PRKCA: variants seen among roughly 807,000 people sequenced by gnomAD.
The protein encoded by PRKCA is protein kinase C alpha.
A neutral mutation model predicts 87.0 loss-of-function variants in PRKCA; 27 were observed. The observed-to-expected ratio is 0.31, with a 90% confidence interval of 0.23 to 0.43. PRKCA has a LOEUF of 0.43. Ranked by LOEUF, PRKCA falls within the 20% of genes least tolerant of loss-of-function variation. The pLI, the probability that PRKCA is intolerant of heterozygous loss-of-function variation, is 1.00. For synonymous variants in PRKCA, 329 were observed against 311.1 expected, an observed-to-expected ratio of 1.06 and a Z score of -0.61; for missense variants, 518 against 852.3, an observed-to-expected ratio of 0.61 and a Z score of 4.88.
At chr17:66,368,368 A>G (rs1009838091) in intron 2 of PRKCA, among the ~76,000 whole-genome samples, 5 of 35,334 alleles carry the variant, frequency 1.4e-4, no homozygotes, top group South Asian at 1.8e-3. Context: ...GTATATGTAT[A>G]TATATATATA....
At chr17:66,463,927 T>A (rs1433376121) in intron 2 of PRKCA, among the ~76,000 whole-genome samples, 1 of 152,220 alleles carries the variant, frequency 6.6e-6, no homozygotes, top group African/African-American at 2.4e-5. Context: ...TCTTGGTGTA[T>A]CTTCTGTGAG....
chr17:66,716,005 A>G (rs1441705485), intron 8 of PRKCA, among the ~76,000 whole-genome samples: 1 of 152,222 alleles, frequency 6.6e-6, no homozygotes, highest in East Asian at 1.9e-4. Flanking sequence ...CATAGAGATG[A>G]GATCACCACC....
chr17:66,720,730 C>G (rs1219512853), intron 8 of PRKCA, among the ~76,000 whole-genome samples: 2 of 152,214 alleles, frequency 1.3e-5, no homozygotes, highest in African/African-American at 4.8e-5. Flanking sequence ...AGAGGACTTT[C>G]ATCGTTGTAC....
chr17:66,398,753 T>C (rs1047273949), intron 2 of PRKCA, among the ~76,000 whole-genome samples: 3 of 152,146 alleles, frequency 2.0e-5, no homozygotes, highest in Non-Finnish European at 4.4e-5. Flanking sequence ...GGCGTCGCGC[T>C]ACTCATATGT....
chr17:66,505,099 G>A (rs936711865), intron 3 of PRKCA, among the ~76,000 whole-genome samples: 1 of 152,194 alleles, frequency 6.6e-6, no homozygotes, highest in Non-Finnish European at 1.5e-5. Context: ...AAACTCCAGT[G>A]CTAATTCTGC....
intron 5 of PRKCA, among the ~76,000 whole-genome samples, chr17:66,674,534 CA>C (rs771918373): frequency 1.3e-5 from 2 of 152,114 alleles, no homozygotes; most frequent in Admixed American, 6.5e-5. Flanking sequence ...AGAACCAACC[CA>C]TCAGAACCAA....
chr17:66,384,339 T>C (rs1431600841), intron 2 of PRKCA, among the ~76,000 whole-genome samples: 2 of 152,146 alleles, frequency 1.3e-5, no homozygotes, highest in East Asian at 1.9e-4. Flanking sequence ...GGCAAACCTG[T>C]TTTATGGAGT....
chr17:66,450,775 C>T (rs149728889), intron 2 of PRKCA, among the ~76,000 whole-genome samples: 8 of 94,746 alleles, frequency 8.4e-5, no homozygotes, highest in Middle Eastern at 4.5e-3. Flanking sequence ...GTTTTGGTTA[C>T]GCAATCATGG....
chr17:66,712,295 C>A (rs1353176032), intron 8 of PRKCA, among the ~76,000 whole-genome samples: 2 of 152,208 alleles, frequency 1.3e-5, no homozygotes, highest in Non-Finnish European at 2.9e-5. Flanking sequence ...GGAAGGAACT[C>A]GTACTTGGGT....
intron 2 of PRKCA, among the ~76,000 whole-genome samples, chr17:66,344,608 T>C (rs1214209467): frequency 6.6e-6 from 1 of 152,210 alleles, no homozygotes; most frequent in Non-Finnish European, 1.5e-5. Context: ...TTGGCATCCT[T>C]ATTTTAGAGA....
Position 66,429,520 on chromosome 17 carries a change from A to G in PRKCA, c.206-66681A>G, listed in dbSNP as rs1263867008. 2.0e-5 allele frequency among the ~76,000 whole-genome samples: 3 copies of G among 152,274 alleles called. No individual in the cohort carries two copies. The East Asian group carries it at 5.8e-4, about 29-fold the overall frequency. ...ATCATTTAATAACCAGTTAGTAGTG[A>G]GGGGTTGCATGTACATTGCATGGAA... On this transcript the variant is annotated intron_variant, in intron 2 of 16. Transcript: ENST00000413366.
At chr17:66,558,427 G>A (rs11658496) in intron 3 of PRKCA, among the ~76,000 whole-genome samples, 35,320 of 152,176 alleles carry the variant, frequency 0.23, 4,202 homozygotes, top group South Asian at 0.35. Flanking sequence ...AGACTTGGGG[G>A]ATGTGTGGGA....
At chr17:66,623,534 G>A (rs1428358593) in intron 3 of PRKCA, among the ~76,000 whole-genome samples, 12 of 152,056 alleles carry the variant, frequency 7.9e-5, no homozygotes, top group Admixed American at 7.9e-4. Flanking sequence ...GCCTTGGGAG[G>A]GAATGCAGGA....
chr17:66,612,827 T>G (rs1170793330), intron 3 of PRKCA, among the ~76,000 whole-genome samples: 2 of 152,190 alleles, frequency 1.3e-5, no homozygotes, highest in African/African-American at 4.8e-5. Context: ...AAAACCTTTT[T>G]TCTCTTACAA....
chr17:66,465,356 GA>G (rs1370166023), intron 2 of PRKCA, among the ~76,000 whole-genome samples: 1 of 151,962 alleles, frequency 6.6e-6, no homozygotes, highest in Non-Finnish European at 1.5e-5. Flanking sequence ...GGTATATCTG[GA>G]AGGAATTTGT....
At chr17:66,313,333 A>T (rs982193235) in intron 2 of PRKCA, among the ~76,000 whole-genome samples, 2 of 152,218 alleles carry the variant, frequency 1.3e-5, no homozygotes, top group Non-Finnish European at 2.9e-5. Context: ...AGATCTTAGG[A>T]TCATTAAAGA....
intron 2 of PRKCA, among the ~76,000 whole-genome samples, chr17:66,341,485 C>A (rs1311132136): frequency 3.3e-5 from 5 of 152,180 alleles, no homozygotes; most frequent in Non-Finnish European, 7.4e-5. Context: ...GCCAGTAATT[C>A]TTGCATCGTA....
chr17:66,639,304 A>C (rs896764549), intron 3 of PRKCA: 4 of 152,252 alleles, frequency 2.6e-5, no homozygotes, highest in African/African-American at 9.6e-5. Context: ...TGCCTGATGG[A>C]AAGCTAAGCA....
At chr17:66,768,079 G>C (rs964227749) in intron 13 of PRKCA, among the ~76,000 whole-genome samples, 3 of 152,090 alleles carry the variant, frequency 2.0e-5, no homozygotes, top group Admixed American at 6.6e-5. Context: ...GAGTAGCTGG[G>C]ATTACAGGTG....
Sources: gnomAD v4.1 joint callset for allele counts (sites outside exome capture counted in the v4.1 genomes callset) on GRCh38, gnomAD v4.1.1 for gene constraint, MANE v1.5 for transcripts, NCBI Gene and HGNC (gene_info 2026-07-23, HGNC 2026-07-21) for gene names.